RAD23B: variants seen among roughly 807,000 people sequenced by gnomAD.
RAD23B encodes the protein lysine-specific demethylase RAD23B.
RAD23B carries 5 observed loss-of-function variants against 49.1 expected under a neutral mutation model. The observed-to-expected ratio is 0.10, with a 90% CI of 0.05 to 0.21. The LOEUF is 0.21. Among genes scored for constraint, RAD23B ranks in the 10% least tolerant of loss-of-function variants. The pLI is 1.00. For missense variants in RAD23B, 356 were observed against 486.7 expected (o/e 0.73, Z 2.53); for synonymous variants, 184 against 165.4 (o/e 1.11, Z -0.86).
At chr9:107,288,377 T>C (rs186064278) in intron 1 of RAD23B, among the ~76,000 whole-genome samples, 3 of 152,344 alleles carry the variant, frequency 2.0e-5, no homozygotes, top group East Asian at 3.9e-4. Flanking sequence ...TAATGGTAAG[T>C]GCTATGCAGA....
At chr9:107,284,711 A>G in intron 1 of RAD23B, 1 of 1,124,472 alleles carries the variant, frequency 8.9e-7, no homozygotes, top group South Asian at 2.1e-5. Flanking sequence ...CTAAGTTTAA[A>G]CCAGCAGCTT....
chr9:107,306,055 A>C (rs1443199299), intron 3 of RAD23B, among the ~76,000 whole-genome samples: 10 of 53,938 alleles, frequency 1.9e-4, no homozygotes, highest in East Asian at 1.2e-3. Flanking sequence ...TTATATCTAT[A>C]TATATATATA....
chr9:107,291,776 A>G (rs553854042), intron 1 of RAD23B, among the ~76,000 whole-genome samples: 2 of 152,348 alleles, frequency 1.3e-5, no homozygotes, highest in Non-Finnish European at 2.9e-5. Context: ...AACATAAGAA[A>G]TCCTTTAGTA....
At chr9:107,306,704 A>G (rs1306456538) in intron 4 of RAD23B, 57 bp downstream of exon 4, 2 of 1,529,088 alleles carry the variant, frequency 1.3e-6, no homozygotes, top group Non-Finnish European at 1.8e-6. Context: ...CAGGAACTTC[A>G]TGCATTTATT....
intron 1 of RAD23B, chr9:107,283,922 C>T (rs1833215874): frequency 1.9e-6 from 2 of 1,031,214 alleles, no homozygotes; most frequent in East Asian, 4.3e-5. Flanking sequence ...CGCCGAAGGC[C>T]TGGTGGCAGA....
chr9:107,318,697 G>T lies in RAD23B; in HGVS notation c.554-55G>T. 3.9e-6 allele frequency: 6 copies of T among 1,539,708 alleles called. No individual in the cohort carries two copies. The highest frequency in any genetic ancestry group is 5.3e-6 in the Non-Finnish European group (6 of 1,122,588). ...GTATACATGAATCAATAAATGTATA[G>T]AGAATGCTTATTTATTAAATGTTCC... On this transcript the variant is annotated intron_variant, in intron 5 of 9. Transcript: ENST00000358015. This position sits in a 1 kb window ranked among gnomAD's most constrained non-coding sequence, Gnocchi z 4.3.
At chr9:107,316,645 G>C (rs189013068) in intron 5 of RAD23B, among the ~76,000 whole-genome samples, 1 of 152,074 alleles carries the variant, frequency 6.6e-6, no homozygotes, top group East Asian at 1.9e-4. Flanking sequence ...TAATCTGTTT[G>C]TGATATTTGG....
At chr9:107,300,943 G>A (rs1388807559) in intron 2 of RAD23B, among the ~76,000 whole-genome samples, 1 of 152,136 alleles carries the variant, frequency 6.6e-6, no homozygotes, top group Non-Finnish European at 1.5e-5. Flanking sequence ...TATTTTTATA[G>A]GTCAGAATTC....
chr9:107,313,786 C>G (rs142114169), intron 5 of RAD23B, among the ~76,000 whole-genome samples: 1 of 152,306 alleles, frequency 6.6e-6, no homozygotes, highest in African/African-American at 2.4e-5. Context: ...TGATTCTTTT[C>G]TTGTTCACTT....
At chr9:107,305,065 G>C (rs2133078281) in intron 3 of RAD23B, among the ~76,000 whole-genome samples, 1 of 152,208 alleles carries the variant, frequency 6.6e-6, no homozygotes, top group Admixed American at 6.5e-5. Context: ...AAGGTGGGCG[G>C]ATCGCTTGAG....
chr9:107,286,277 C>G (rs994703211), intron 1 of RAD23B, among the ~76,000 whole-genome samples: 1 of 152,146 alleles, frequency 6.6e-6, no homozygotes, highest in Non-Finnish European at 1.5e-5. Flanking sequence ...GTTTAGTGAG[C>G]TTTGCTGGCA....
chr9:107,283,886 A>G (rs1015847755), intron 1 of RAD23B, among the ~76,000 whole-genome samples, 191 bp downstream of exon 1: 19 of 152,114 alleles, frequency 1.2e-4, no homozygotes, highest in African/African-American at 2.4e-5. Flanking sequence ...GCTTTGTGGC[A>G]GGAGAATGGG....
chr9:107,322,909 C>T (rs1167949391), intron 7 of RAD23B, among the ~76,000 whole-genome samples: 1 of 152,140 alleles, frequency 6.6e-6, no homozygotes, highest in East Asian at 1.9e-4. Context: ...ATTTGGGGTC[C>T]TGTTCCTTTC....
chr9:107,302,769 C>T (rs1411152145), intron 3 of RAD23B, among the ~76,000 whole-genome samples: 1 of 151,666 alleles, frequency 6.6e-6, no homozygotes, highest in Non-Finnish European at 1.5e-5. Context: ...CATTCTCCTG[C>T]CTCAGCCTCC....
chr9:107,283,755 C>G (rs953666876), intron 1 of RAD23B, 60 bp downstream of exon 1: 1 of 1,312,262 alleles, frequency 7.6e-7, no homozygotes. Flanking sequence ...GCGCCAGGAG[C>G]TCGTGGGGCC....
At chr9:107,297,660 G>T (rs1220870273) in intron 1 of RAD23B, among the ~76,000 whole-genome samples, 1 of 150,404 alleles carries the variant, frequency 6.6e-6, no homozygotes, top group African/African-American at 2.4e-5. Context: ...AATCAATTTT[G>T]ATTTCTTTGA....
chr9:107,314,070 T>A (rs973841151), intron 5 of RAD23B, among the ~76,000 whole-genome samples: 2 of 152,204 alleles, frequency 1.3e-5, no homozygotes, highest in African/African-American at 4.8e-5. Context: ...TCACTTGTAC[T>A]CTTGCATTAT....
At chr9:107,284,029 C>G in intron 1 of RAD23B, 1 of 1,054,964 alleles carries the variant, frequency 9.5e-7, no homozygotes, top group Non-Finnish European at 1.1e-6. Flanking sequence ...GCCGTAGAGC[C>G]TGGCTTTCTG....
At chr9:107,326,767 G>A (rs1827214725) in intron 9 of RAD23B, among the ~76,000 whole-genome samples, 1 of 149,522 alleles carries the variant, frequency 6.7e-6, no homozygotes, top group Non-Finnish European at 1.5e-5. Context: ...CCGAGTAGCT[G>A]GGACCACAGG....
Sources: allele counts gnomAD v4.1 joint callset (sites outside exome capture counted in the v4.1 genomes callset), GRCh38; gene constraint gnomAD v4.1.1; non-coding constraint Gnocchi (gnomAD v3.1); transcripts MANE v1.5; gene names NCBI Gene and HGNC (gene_info 2026-07-23, HGNC 2026-07-21).